The following KCNB2 variants were observed in gnomAD, a reference collection of about 807,000 sequenced individuals.
KCNB2 encodes the protein potassium voltage-gated channel subfamily B member 2.
KCNB2 carries 15 observed loss-of-function variants against 61.5 expected under a neutral mutation model. The ratio of observed to expected loss-of-function variants is 0.24; its 90% CI spans 0.16 to 0.38. KCNB2 has a LOEUF of 0.38. Among genes scored for constraint, KCNB2 ranks in the 10% least tolerant of loss-of-function variants. KCNB2 has a pLI of 1.00. For synonymous variants in KCNB2, 457 were observed against 446.0 expected (o/e 1.02, Z -0.31); for missense variants, 828 against 1,125.2 (o/e 0.74, Z 3.78).
At chr8:72,786,266 A>C (rs1401370052) in intron 2 of KCNB2, among the ~76,000 whole-genome samples, 1 of 152,138 alleles carries the variant, frequency 6.6e-6, no homozygotes, top group African/African-American at 2.4e-5. Flanking sequence ...GCTCATGAAT[A>C]CCCGTAATCC....
intron 2 of KCNB2, among the ~76,000 whole-genome samples, chr8:72,809,452 G>A (rs1212283662): frequency 1.3e-5 from 2 of 152,124 alleles, no homozygotes; most frequent in African/African-American, 4.8e-5. Flanking sequence ...AGTAGTTACA[G>A]CTCTTCTCCC....
At chr8:72,580,553 C>T (rs1333589269) in intron 2 of KCNB2, among the ~76,000 whole-genome samples, 2 of 152,186 alleles carry the variant, frequency 1.3e-5, no homozygotes, top group African/African-American at 4.8e-5. Context: ...AACAGTGAAT[C>T]ATAAATTCCA....
chr8:72,758,413 C>T (rs750412953), intron 2 of KCNB2, among the ~76,000 whole-genome samples: 4 of 152,134 alleles, frequency 2.6e-5, no homozygotes, highest in Non-Finnish European at 5.9e-5. Flanking sequence ...GGCAAGGATG[C>T]TGGAAAAGAC....
chr8:72,558,028 A>G (rs1043520353), intron 1 of KCNB2, among the ~76,000 whole-genome samples: 2 of 152,230 alleles, frequency 1.3e-5, no homozygotes, highest in Admixed American at 1.3e-4. Context: ...TTTGAAATTT[A>G]TTACTTATTC....
chr8:72,762,780 A>G (rs1298912024), intron 2 of KCNB2, among the ~76,000 whole-genome samples: 1 of 151,800 alleles, frequency 6.6e-6, no homozygotes, highest in Non-Finnish European at 1.5e-5. Context: ...AAGCTCAATA[A>G]TTTGATGTTT....
At position 72,561,726 on chromosome 8, in the gene KCNB2, T is replaced by C. The variant is rs1433219743; in HGVS notation, c.-93-5916T>C. Among the ~76,000 whole-genome samples the C allele has an allele frequency of 1.3e-3, 23 of 17,304 alleles. 1 individual carries two copies. Among genetic ancestry groups the C allele is most frequent in the African/African-American group, 6.9e-3 (11 of 1,596 alleles). 11.4% of individuals were successfully genotyped at this position (17,304 alleles called of 152,430 possible). ...ATATATATATATATATATATATATA[T>C]ATCTATATCTATATATATATGTATA... On this transcript the variant is annotated intron_variant, in intron 1 of 2. Coordinates refer to ENST00000523207, the MANE Select transcript of KCNB2 (RefSeq NM_004770.3).
intron 2 of KCNB2, among the ~76,000 whole-genome samples, chr8:72,929,498 C>G (rs561868346): frequency 3.9e-4 from 59 of 152,122 alleles, no homozygotes; most frequent in African/African-American, 1.4e-3. Flanking sequence ...CTAGAACATA[C>G]GCAGCGCAAT....
In KCNB2 at chr8:72,630,886, A is replaced by G. The variant is rs568104548; in HGVS notation, c.579+62573A>G. Among the ~76,000 whole-genome samples, 3 of 152,302 alleles carry G rather than the reference A, an allele frequency of 2.0e-5. No individual in the cohort carries two copies. In the South Asian group the frequency reaches 6.2e-4, roughly 32 times the overall value. ...AAAAACAAATAAAGGCATTTGTATCAGTTTCTGTGGCTGCTGTCACAAAGT... is the reference window on the plus strand; with the variant it reads ...AAAAACAAATAAAGGCATTTGTATCGGTTTCTGTGGCTGCTGTCACAAAGT... On this transcript the variant is annotated intron_variant, in intron 2 of 2. Transcript: ENST00000523207.
Position 72,777,987 on chromosome 8 carries a change from A to G in KCNB2, c.580-157948A>G, listed in dbSNP as rs573121967. ...CAGACAGCCTGTTTAGCTTTCTTAA[A>G]GTCAGCCTTTCTTCCCGTCTTTTCT... On this transcript the variant is annotated intron_variant, in intron 2 of 2. Coordinates refer to ENST00000523207, the MANE Select transcript of KCNB2 (RefSeq NM_004770.3). Among the ~76,000 whole-genome samples the G allele has an allele frequency of 5.9e-4, 90 of 152,334 alleles. 1 individual carries two copies. The highest frequency in any genetic ancestry group is 2.0e-3 in the African/African-American group (84 of 41,580).
At chr8:72,821,579 A>G (rs911503239) in intron 2 of KCNB2, among the ~76,000 whole-genome samples, 4 of 143,464 alleles carry the variant, frequency 2.8e-5, no homozygotes, top group Non-Finnish European at 6.0e-5. Flanking sequence ...ATTTGAAGCT[A>G]GTGATCTGTT....
At chr8:72,893,245 T>C (rs1805931489) in intron 2 of KCNB2, among the ~76,000 whole-genome samples, 1 of 152,194 alleles carries the variant, frequency 6.6e-6, no homozygotes, top group Admixed American at 6.5e-5. Context: ...GTTTGCTCTC[T>C]GGGCATGATA....
rs757402090 is a variant in KCNB2 at position 72,561,160 on chromosome 8, AT to A, written c.-93-6467del. Among the ~76,000 whole-genome samples, 573 of 142,682 alleles carry A rather than the reference AT, an allele frequency of 4.0e-3. 1 individual carries two copies. Among genetic ancestry groups the A allele is most frequent in the East Asian group, 5.1e-3 (25 of 4,858 alleles). The allele number at this position is 142,682 out of a possible 152,430, so 93.6% of individuals were successfully genotyped here. Reference sequence around the variant, plus strand: ...GGTTATATCAAGGATAAAAGTTCTAATTTTTTTTTTTTTTTGACACAGAGTC... The same window carrying A: ...GGTTATATCAAGGATAAAAGTTCTAATTTTTTTTTTTTTTGACACAGAGTC... On this transcript the variant is annotated intron_variant, in intron 1 of 2. Transcript: ENST00000523207.
In KCNB2 at chr8:72,936,183, G is replaced by T. The variant is rs749539173; in HGVS notation, c.828G>T (p.Pro276=). The T allele has an allele frequency of 6.2e-7, 1 of 1,614,064 alleles. No homozygotes were observed. The highest frequency in any genetic ancestry group is 1.3e-5 in the African/African-American group (1 of 74,914). ...TCATTGATTTGCTGGCCATCTTGCC[G>T]TACTATGTCACCATTTTTCTGACGG... ...LNVIDLLAIL[P]YYVTIFLTES... Residue 276 remains proline, a synonymous_variant, in exon 3 of 3, where the codon CCG becomes CCT. Coordinates refer to ENST00000523207, the MANE Select transcript of KCNB2 (RefSeq NM_004770.3). This position sits in a 1 kb window ranked among gnomAD's most constrained non-coding sequence, Gnocchi z 5.6.
intron 2 of KCNB2, among the ~76,000 whole-genome samples, chr8:72,766,632 T>G (rs1451977207): frequency 6.6e-6 from 1 of 152,196 alleles, no homozygotes; most frequent in Non-Finnish European, 1.5e-5. Flanking sequence ...TGCTTATATG[T>G]GAATGTATTA....
At chr8:72,572,618 C>G (rs1458402181) in intron 2 of KCNB2, among the ~76,000 whole-genome samples, 4 of 151,972 alleles carry the variant, frequency 2.6e-5, no homozygotes, top group Non-Finnish European at 5.9e-5. Flanking sequence ...CACACACACA[C>G]AGGCATATCT....
intron 2 of KCNB2, among the ~76,000 whole-genome samples, chr8:72,629,367 A>G (rs1419250070): frequency 1.3e-5 from 2 of 152,218 alleles, no homozygotes; most frequent in East Asian, 1.9e-4. Context: ...TATGCTTTCT[A>G]GAAACTCCAC....
intron 2 of KCNB2, among the ~76,000 whole-genome samples, chr8:72,639,814 C>T (rs578054672): frequency 2.0e-5 from 3 of 152,110 alleles, no homozygotes; most frequent in African/African-American, 7.2e-5. Context: ...GTTCCCCAAG[C>T]TAATCTAATG....
chr8:72,717,270 T>A (rs1425643179), intron 2 of KCNB2, among the ~76,000 whole-genome samples: 3 of 152,214 alleles, frequency 2.0e-5, no homozygotes, highest in African/African-American at 4.8e-5. Flanking sequence ...GCCATCCACA[T>A]CAAGCTACCA....
In KCNB2 at chr8:72,671,274, A is replaced by G. The variant is rs377214314; in HGVS notation, c.579+102961A>G. On this transcript the variant is annotated intron_variant, in intron 2 of 2. Transcript: ENST00000523207. The stretch of plus-strand genomic sequence containing the variant: ...GGATGCAAATACCTCAACATGGAAA[A>G]ATGATTGTAGATGTACAAATACTCT... Among the ~76,000 whole-genome samples the G allele has an allele frequency of 5.3e-5, 8 of 152,314 alleles. No homozygotes were observed. In the East Asian group the frequency reaches 1.2e-3, roughly 22 times the overall value.
Sources: allele counts gnomAD v4.1 joint callset (sites outside exome capture counted in the v4.1 genomes callset), GRCh38; gene constraint gnomAD v4.1.1; non-coding constraint Gnocchi (gnomAD v3.1); transcripts MANE v1.5; gene names NCBI Gene and HGNC (gene_info 2026-07-23, HGNC 2026-07-21).